SP110: variants seen among roughly 807,000 people sequenced by gnomAD.
SP110 encodes the protein SP110 nuclear body protein.
A neutral mutation model predicts 92.7 loss-of-function variants in SP110; 62 were observed. The ratio of observed to expected loss-of-function variants is 0.67; its 90% CI spans 0.55 to 0.83. SP110 has a LOEUF of 0.83. Among genes scored for constraint, SP110 ranks in the 40% least tolerant of loss-of-function variants. The probability of loss-of-function intolerance (pLI) is 0.00; values close to 1 mark genes in which losing one functional copy is unlikely to be tolerated. For missense variants in SP110, 793 were observed against 863.9 expected (o/e 0.92, Z 1.03); for synonymous variants, 273 against 305.3 (o/e 0.89, Z 1.10).
At chr2:230,222,085 C>T (rs371620349), upstream of SP110, among the ~76,000 whole-genome samples, 11 of 152,248 alleles carry the variant, frequency 7.2e-5, no homozygotes, top group East Asian at 1.9e-3. Context: ...AAAAAATTAG[C>T]TGGGCGTGGT....
Position 230,212,888 on chromosome 2 carries a change from A to G in SP110, c.456T>C (p.Cys152=), listed in dbSNP as rs1377918479. Reference sequence around the variant, plus strand: ...TTCCAGGCTCACTGACTCTTGGCGCACAGGGTGAACAGCTTGGTTGAGGGG... The same window carrying G: ...TTCCAGGCTCACTGACTCTTGGCGCGCAGGGTGAACAGCTTGGTTGAGGGG... ...PQPPQPSCSP[C]APRVSEPGTS... The change falls in exon 4 of 19, where the codon TGT becomes TGC. Residue 152 remains cysteine (C), a synonymous_variant. Transcript: ENST00000258381. 11 of 1,614,090 alleles carry G rather than the reference A, an allele frequency of 6.8e-6. No homozygotes were observed. Among genetic ancestry groups the G allele is most frequent in the African/African-American group, 4.0e-5 (3 of 74,998 alleles).
intron 8 of SP110, chr2:230,202,984 G>C (rs2043329851): frequency 1.9e-6 from 1 of 518,132 alleles, no homozygotes; most frequent in African/African-American, 1.9e-5. Context: ...ATAAAGCTGG[G>C]GAAATCCTAG....
Position 230,167,493 on chromosome 2 carries a change from C to T in SP110, c.*1631G>A, listed in dbSNP as rs1196755908. 6.6e-6 allele frequency: 1 copy of T among 152,230 alleles called. No individual in the cohort carries two copies. Among genetic ancestry groups the T allele is most frequent in the African/African-American group, 2.4e-5 (1 of 41,404 alleles). 9.4% of individuals were successfully genotyped at this position (152,230 alleles called of 1,614,324 possible). ...TCCAATGCTGCAGAGAGTGAGACTTCTGTGGGGAGAGGAGTGTCCTTTGCA... is the reference window on the plus strand; with the variant it reads ...TCCAATGCTGCAGAGAGTGAGACTTTTGTGGGGAGAGGAGTGTCCTTTGCA... On this transcript the variant is annotated 3_prime_UTR_variant, in exon 19 of 19. Coordinates refer to ENST00000258381, the MANE Select transcript of SP110 (RefSeq NM_080424.4).
intron 3 of SP110, among the ~76,000 whole-genome samples, chr2:230,214,401 G>A (rs758107259): frequency 6.6e-6 from 1 of 152,138 alleles, no homozygotes; most frequent in Non-Finnish European, 1.5e-5. Flanking sequence ...ACCCAAGTAG[G>A]ACTCTTGCTC....
chr2:230,175,946 T>C (rs1416738414), intron 14 of SP110, among the ~76,000 whole-genome samples: 1 of 68,912 alleles, frequency 1.5e-5, no homozygotes, highest in Non-Finnish European at 3.9e-5. Context: ...TGCAGCATTC[T>C]TTTTTTTTTT....
At position 230,192,443 on chromosome 2, in the gene SP110, G is replaced by T. The variant is rs369524171; in HGVS notation, c.1130-6300C>A. On this transcript the variant is annotated intron_variant, in intron 10 of 18. Transcript: ENST00000258381. ...ATAAGCAACTTCAACAAAGTCTCAGGATACAAAATCAATGTGCAAAAATCA... is the reference window on the plus strand; with the variant it reads ...ATAAGCAACTTCAACAAAGTCTCAGTATACAAAATCAATGTGCAAAAATCA... Among the ~76,000 whole-genome samples the T allele has an allele frequency of 4.5e-4, 69 of 152,264 alleles. No individual in the cohort carries two copies. The East Asian group carries it at 0.011, about 25-fold the overall frequency.
rs145437270 is a variant in SP110, at chr2:230,186,010, T to C, written c.1263A>G (p.Arg421=). The change falls in exon 11 of 19, where the codon CGA becomes CGG. Residue 421 remains arginine, a synonymous_variant. Coordinates refer to ENST00000258381, the MANE Select transcript of SP110 (RefSeq NM_080424.4). ...TAGCCTTACCTTTCAATCTGGACTTTCGGGCACATTTAGTTCTTGCCTTTT... is the reference window on the plus strand; with the variant it reads ...TAGCCTTACCTTTCAATCTGGACTTCCGGGCACATTTAGTTCTTGCCTTTT... The part of the protein sequence containing the change: ...RVQKARTKCA[R]KSRLKEKKKE... 9 of 1,614,030 alleles carry C rather than the reference T, an allele frequency of 5.6e-6. No individual in the cohort carries two copies. The African/African-American group carries it at 9.3e-5, about 17-fold the overall frequency.
chr2:230,200,877 A>G lies in SP110; in HGVS notation c.1129+8T>C. 6.2e-7 allele frequency: 1 copy of G among 1,605,076 alleles called. No individual in the cohort carries two copies. Among genetic ancestry groups the G allele is most frequent in the Non-Finnish European group, 8.5e-7 (1 of 1,171,792 alleles). On this transcript the variant is annotated splice_region_variant and intron_variant, in intron 10 of 18. Coordinates refer to ENST00000258381, the MANE Select transcript of SP110 (RefSeq NM_080424.4). The stretch of plus-strand genomic sequence containing the variant: ...TGTACTCTGAGACCAGCAATCTCCA[A>G]GTTTTACCTTGTGTGACCCTTCGTG...
At chr2:230,185,412 G>A (rs1387046345) in intron 11 of SP110, among the ~76,000 whole-genome samples, 2 of 152,116 alleles carry the variant, frequency 1.3e-5, no homozygotes, top group Non-Finnish European at 2.9e-5. Flanking sequence ...AAATTCAAAG[G>A]GAAACACCGG....
intron 8 of SP110, among the ~76,000 whole-genome samples, chr2:230,205,495 G>C (rs550922718): frequency 6.6e-6 from 1 of 152,072 alleles, no homozygotes; most frequent in South Asian, 2.1e-4. Flanking sequence ...AAATTATCTT[G>C]TTTATGTGCT....
chr2:230,199,205 CTTTTTTT>C (rs35807015), intron 10 of SP110, among the ~76,000 whole-genome samples: 1 of 89,464 alleles, frequency 1.1e-5, no homozygotes, highest in Admixed American at 1.5e-4. Flanking sequence ...ACATAATCCT[CTTTTTTT>C]TTTTTTTTTT....
At chr2:230,187,901 A>G (rs907410409) in intron 10 of SP110, among the ~76,000 whole-genome samples, 1 of 152,146 alleles carries the variant, frequency 6.6e-6, no homozygotes, top group African/African-American at 2.4e-5. Context: ...ATAGCCTTGT[A>G]GTATAATTTT....
chr2:230,218,445 T>C (rs1171569598), intron 1 of SP110, among the ~76,000 whole-genome samples: 1 of 152,062 alleles, frequency 6.6e-6, no homozygotes, highest in Non-Finnish European at 1.5e-5. Flanking sequence ...AGAGAACAGA[T>C]AGGAGAGAAA....
In SP110 at chr2:230,216,836, A is replaced by G. The variant is rs200872459; in HGVS notation, c.92T>C (p.Phe31Ser). The G allele has an allele frequency of 6.2e-7, 1 of 1,614,122 alleles. No homozygotes were observed. Among genetic ancestry groups the G allele is most frequent in the Non-Finnish European group, 8.5e-7 (1 of 1,179,992 alleles). The stretch of plus-strand genomic sequence containing the variant: ...GTCTAGGAGGCCTTCAAAGAAGGGA[A>G]ATGGCTTGTGTATGGCATAGGCGAT... ...LGIAYAIHKPFPFFEGLLDNS... is the reference protein window; with the variant it reads ...LGIAYAIHKPSPFFEGLLDNS... Residue 31 changes from phenylalanine to serine, a missense_variant, in exon 2 of 19, where the codon TTT (phenylalanine) becomes TCT (serine). Physicochemically the swap from Phe to Ser is radical, Grantham distance 155. Coordinates refer to ENST00000258381, the MANE Select transcript of SP110 (RefSeq NM_080424.4).
At chr2:230,189,529 C>T (rs2042511125) in intron 10 of SP110, among the ~76,000 whole-genome samples, 1 of 152,110 alleles carries the variant, frequency 6.6e-6, no homozygotes, top group Admixed American at 6.5e-5. Flanking sequence ...TAGTTTTATT[C>T]CACTGTGATC....
At chr2:230,219,712 C>G (rs955373497) in intron 1 of SP110, 162 bp downstream of exon 1, 2 of 157,524 alleles carry the variant, frequency 1.3e-5, no homozygotes, top group Non-Finnish European at 2.7e-5. Flanking sequence ...CCTCCATGTG[C>G]CCCCTTTTAA....
At position 230,166,991 on chromosome 2, in the gene SP110, A is replaced by C. The variant is rs1183543204; in HGVS notation, c.*2133T>G. On this transcript the variant is annotated 3_prime_UTR_variant, in exon 19 of 19. Coordinates refer to ENST00000258381, the MANE Select transcript of SP110 (RefSeq NM_080424.4). The stretch of plus-strand genomic sequence containing the variant: ...CCCTGTTTCATCACTGACTGTTGGC[A>C]GCAGGGAAGAAACAATTTTTCAGCT... 4 of 152,184 alleles carry C rather than the reference A, an allele frequency of 2.6e-5. No homozygotes were observed. The highest frequency in any genetic ancestry group is 6.5e-5 in the Admixed American group (1 of 15,278). 9.4% of individuals were successfully genotyped at this position (152,184 alleles called of 1,614,324 possible).
At chr2:230,215,398 G>A (rs1173547269) in intron 2 of SP110, among the ~76,000 whole-genome samples, 6 of 152,168 alleles carry the variant, frequency 3.9e-5, no homozygotes, top group Non-Finnish European at 7.3e-5. Flanking sequence ...CATTTGAGAC[G>A]AGAGAAATTT....
In SP110 at chr2:230,172,911, G is replaced by C. The variant is rs376116343; in HGVS notation, c.1639C>G (p.Leu547Val). ...CEVCCQGGQL[L>V]CCGTCPRVFH... is the part of the protein sequence containing the mutation. The stretch of plus-strand genomic sequence containing the variant: ...ACTCGTGGACAAGTACCGCAGCAGA[G>C]AAGTTGTCCCCCTTGACAGCACACC... Residue 547 changes from leucine (L) to valine (V), a missense_variant, in exon 15 of 19, where the codon CTC becomes GTC. Leu to Val is a conservative substitution (Grantham distance 32). Transcript: ENST00000258381. The C allele has an allele frequency of 1.2e-6, 2 of 1,614,100 alleles. No individual in the cohort carries two copies. Among genetic ancestry groups the C allele is most frequent in the Admixed American group, 1.7e-5 (1 of 60,016 alleles).
Sources: allele counts gnomAD v4.1 joint callset (sites outside exome capture counted in the v4.1 genomes callset), GRCh38; gene constraint gnomAD v4.1.1; transcripts MANE v1.5; gene names NCBI Gene and HGNC (gene_info 2026-07-23, HGNC 2026-07-21).